Variants in LUC7L observed in about 807,000 individuals in gnomAD.
The protein encoded by LUC7L is putative RNA-binding protein Luc7-like 1.
In LUC7L, 29 loss-of-function variants were observed where a neutral mutation model predicts 51.1. The ratio of observed to expected loss-of-function variants is 0.57; its 90% CI spans 0.42 to 0.77. The LOEUF (loss-of-function observed/expected upper bound fraction) is 0.77, where lower values mean the gene tolerates loss of function less well. Among genes scored for constraint, LUC7L ranks in the 30% least tolerant of loss-of-function variants. The pLI is 0.00. For synonymous variants in LUC7L, 181 were observed against 180.7 expected, an observed-to-expected ratio of 1.00 and a Z score of -0.01; for missense variants, 403 against 511.9, an observed-to-expected ratio of 0.79 and a Z score of 2.05.
chr16:200,355 C>T lies in LUC7L; in HGVS notation c.511-1117G>A, dbSNP rs367930162. Among the ~76,000 whole-genome samples the T allele has an allele frequency of 5.7e-4, 84 of 147,822 alleles. No homozygotes were observed. In the East Asian group the frequency reaches 0.01, roughly 18 times the overall value. On this transcript the variant is annotated intron_variant, in intron 5 of 9. Coordinates refer to ENST00000293872, the MANE Select transcript of LUC7L (RefSeq NM_201412.3). Reference sequence around the variant, plus strand: ...AGGAGAATGGCGTGAACCCGGCAGGCGGAGCTTGTAGTGAGCCAAGATCAT... The same window carrying T: ...AGGAGAATGGCGTGAACCCGGCAGGTGGAGCTTGTAGTGAGCCAAGATCAT...
In LUC7L at chr16:229,429, C is replaced by T. The variant is rs2050218554; in HGVS notation, c.-90G>A. 2 of 1,162,892 alleles carry T rather than the reference C, an allele frequency of 1.7e-6. No individual in the cohort carries two copies. The highest frequency in any genetic ancestry group is 2.3e-6 in the Non-Finnish European group (2 of 866,296). 72.0% of individuals were successfully genotyped at this position (1,162,892 alleles called of 1,614,324 possible). A position where few individuals can be genotyped will look rare whatever the true frequency, so the allele number is the denominator to read the frequency against. On this transcript the variant is annotated 5_prime_UTR_variant, in exon 1 of 10. Coordinates refer to ENST00000293872, the MANE Select transcript of LUC7L (RefSeq NM_201412.3). ...GTCGACAAACGATGGTCGCGTCGGC[C>T]TCGAGCCCACTCGGCTCTTTCCCGC...
At chr16:213,386 G>C (rs1379363463) in intron 3 of LUC7L, among the ~76,000 whole-genome samples, 1 of 151,880 alleles carries the variant, frequency 6.6e-6, no homozygotes, top group Non-Finnish European at 1.5e-5. Context: ...AGAAAATAAA[G>C]GCCCACAATT....
chr16:217,777 G>A (rs1330214882), intron 3 of LUC7L, among the ~76,000 whole-genome samples: 1 of 151,118 alleles, frequency 6.6e-6, no homozygotes, highest in African/African-American at 2.4e-5. Flanking sequence ...AGTGGCTCAC[G>A]CCTATAATCA....
At chr16:192,797 C>T (rs1160625313) in intron 7 of LUC7L, 130 bp downstream of exon 7, 1 of 825,676 alleles carries the variant, frequency 1.2e-6, no homozygotes, top group African/African-American at 1.7e-5. Flanking sequence ...GCCGCCAGGC[C>T]TGGCCTTACT....
In LUC7L at chr16:218,885, G is replaced by GT. The variant is rs1229266498; in HGVS notation, c.255+1763dup. 1.1e-4 allele frequency among the ~76,000 whole-genome samples: 13 copies of GT among 119,764 alleles called. No homozygotes were observed. The Admixed American group carries it at 1.5e-3, about 14-fold the overall frequency. The allele number at this position is 119,764 out of a possible 152,430, so 78.6% of individuals were successfully genotyped here. The stretch of plus-strand genomic sequence containing the variant: ...GTGGCAGGATCACTTGAGGGCAGAA[G>GT]TTTGAGACCAGCCTGGGCAACATAG... On this transcript the variant is annotated intron_variant, in intron 3 of 9. Transcript: ENST00000293872.
rs569368525 is a variant in LUC7L, at chr16:226,961, C to A, written c.156+281G>T. ...CAGTGGCTCATGCCTGTAGTACCAG[C>A]TGCTCAAGAGGCTGAGGTGGTAGGA... On this transcript the variant is annotated intron_variant, in intron 2 of 9. Transcript: ENST00000293872. 3.3e-3 allele frequency among the ~76,000 whole-genome samples: 497 copies of A among 152,274 alleles called. 1 individual carries two copies. Among genetic ancestry groups the A allele is most frequent in the African/African-American group, 0.011 (467 of 41,560 alleles).
intron 3 of LUC7L, among the ~76,000 whole-genome samples, chr16:219,700 C>A (rs2049911861): frequency 6.6e-6 from 1 of 151,950 alleles, no homozygotes. Context: ...TGGAGAAACA[C>A]CATCTCTACT....
Position 199,054 on chromosome 16 carries a change from G to C in LUC7L, c.687+8C>G. The stretch of plus-strand genomic sequence containing the variant: ...TCCTCAGCTTTCTCCAGAAACAGAT[G>C]AACATACCCTCAACTGATCAAGCTT... On this transcript the variant is annotated splice_region_variant and intron_variant, in intron 6 of 9. Coordinates refer to ENST00000293872, the MANE Select transcript of LUC7L (RefSeq NM_201412.3). 1 of 1,583,330 alleles carries C rather than the reference G, an allele frequency of 6.3e-7. No individual in the cohort carries two copies. The highest frequency in any genetic ancestry group is 8.6e-7 in the Non-Finnish European group (1 of 1,158,710).
intron 2 of LUC7L, 140 bp downstream of exon 2, chr16:227,102 G>T: frequency 1.5e-6 from 1 of 652,592 alleles, no homozygotes. Context: ...ATACATACGA[G>T]TGGAGGAACA....
chr16:212,223 G>T (rs1388690987), intron 3 of LUC7L, among the ~76,000 whole-genome samples: 2 of 152,174 alleles, frequency 1.3e-5, no homozygotes, highest in African/African-American at 4.8e-5. Context: ...AACTCGGGAG[G>T]CGGAGGTTGC....
intron 5 of LUC7L, among the ~76,000 whole-genome samples, chr16:205,378 A>G (rs914003288): frequency 1.3e-5 from 2 of 152,170 alleles, no homozygotes; most frequent in African/African-American, 4.8e-5. Context: ...TTATGGCAGT[A>G]AATAAAAGAC....
At chr16:210,394 C>G (rs2142082774) in intron 3 of LUC7L, among the ~76,000 whole-genome samples, 1 of 152,314 alleles carries the variant, frequency 6.6e-6, no homozygotes, top group South Asian at 2.1e-4. Flanking sequence ...CGGCATTTGA[C>G]TGCTTCTATG....
chr16:221,620 T>C (rs889588208), intron 2 of LUC7L, among the ~76,000 whole-genome samples: 2 of 151,932 alleles, frequency 1.3e-5, no homozygotes, highest in African/African-American at 2.4e-5. Context: ...CAAGAATCGC[T>C]TGAACCCAGG....
At chr16:194,426 TAAC>T (rs910954132) in intron 6 of LUC7L, among the ~76,000 whole-genome samples, 1 of 152,200 alleles carries the variant, frequency 6.6e-6, no homozygotes, top group Non-Finnish European at 1.5e-5. Flanking sequence ...AACAATGTGG[TAAC>T]AAACTGTCTA....
chr16:189,841 C>T, intron 9 of LUC7L, 127 bp downstream of exon 9: 1 of 1,466,136 alleles, frequency 6.8e-7, no homozygotes, highest in Non-Finnish European at 9.0e-7. Context: ...CCGTTCACGA[C>T]TCCCCAGCCC....
intron 5 of LUC7L, among the ~76,000 whole-genome samples, chr16:204,402 G>A (rs940875443): frequency 6.6e-6 from 1 of 152,180 alleles, no homozygotes; most frequent in Non-Finnish European, 1.5e-5. Flanking sequence ...GACCATCCTG[G>A]CTAACACAGT....
rs369800270 is a variant in LUC7L, at chr16:222,716, C to T, written c.157-1969G>A. Among the ~76,000 whole-genome samples, 47 of 151,328 alleles carry T rather than the reference C, an allele frequency of 3.1e-4. No homozygotes were observed. The East Asian group carries it at 6.7e-3, about 22-fold the overall frequency. On this transcript the variant is annotated intron_variant, in intron 2 of 9. Coordinates refer to ENST00000293872, the MANE Select transcript of LUC7L (RefSeq NM_201412.3). ...TGCAATCTCGGCTCACCGCAACCTC[C>T]GCCTCCCAGGTTCAAGCGATTCTCC... is the stretch of plus-strand genomic sequence containing the variant.
intron 3 of LUC7L, among the ~76,000 whole-genome samples, chr16:210,013 C>T (rs962256532): frequency 1.3e-5 from 2 of 152,132 alleles, no homozygotes; most frequent in African/African-American, 2.4e-5. Context: ...CTTGGCCAGG[C>T]GTGGTAGCTC....
chr16:225,509 A>G (rs113124551), intron 2 of LUC7L, among the ~76,000 whole-genome samples: 5,516 of 115,542 alleles, frequency 0.048, 170 homozygotes, highest in Non-Finnish European at 0.064. Flanking sequence ...TTTTTGAGAC[A>G]GAGTTTTGCT....
Sources: gnomAD v4.1 joint callset for allele counts (sites outside exome capture counted in the v4.1 genomes callset) on GRCh38, gnomAD v4.1.1 for gene constraint, MANE v1.5 for transcripts, NCBI Gene and HGNC (gene_info 2026-07-23, HGNC 2026-07-21) for gene names.